Variants in GRIN2A observed in about 807,000 individuals in gnomAD.
GRIN2A encodes glutamate receptor ionotropic, NMDA 2A.
Under a neutral mutation model 113.4 loss-of-function variants are expected in GRIN2A, and 22 were observed. That is an observed-to-expected ratio of 0.19 (90% CI 0.14 to 0.28). GRIN2A has a LOEUF of 0.28. Among genes scored for constraint, GRIN2A ranks in the 10% least tolerant of loss-of-function variants. The pLI is 1.00. For synonymous variants in GRIN2A, 827 were observed against 738.4 expected, an observed-to-expected ratio of 1.12 and a Z score of -1.94; for missense variants, 1,502 against 1,887.0, an observed-to-expected ratio of 0.80 and a Z score of 3.78.
chr16:9,872,017 A>G (rs554384817), intron 4 of GRIN2A, among the ~76,000 whole-genome samples: 5 of 152,330 alleles, frequency 3.3e-5, no homozygotes, highest in East Asian at 3.9e-4. Flanking sequence ...CATTTATAAA[A>G]TAGGGGCAAT....
At chr16:9,872,658 A>G (rs1259923054) in intron 4 of GRIN2A, among the ~76,000 whole-genome samples, 1 of 152,176 alleles carries the variant, frequency 6.6e-6, no homozygotes, top group Non-Finnish European at 1.5e-5. Context: ...AAAGAATCCA[A>G]TCACGTCTTT....
intron 2 of GRIN2A, among the ~76,000 whole-genome samples, chr16:9,948,160 T>G (rs1386340660): frequency 6.6e-6 from 1 of 152,198 alleles, no homozygotes; most frequent in African/African-American, 2.4e-5. Flanking sequence ...ACCCTTTCAG[T>G]CCTGGACAAA....
intron 2 of GRIN2A, among the ~76,000 whole-genome samples, chr16:10,089,779 G>T (rs1020072247): frequency 1.3e-5 from 2 of 152,122 alleles, no homozygotes; most frequent in South Asian, 4.1e-4. Flanking sequence ...GTCTTGATAA[G>T]GTTCCATCAT....
intron 2 of GRIN2A, among the ~76,000 whole-genome samples, chr16:10,113,539 A>G (rs572760898): frequency 6.6e-6 from 1 of 152,322 alleles, no homozygotes; most frequent in East Asian, 1.9e-4. Flanking sequence ...AACTTTGCAC[A>G]TTTTGGGATC....
chr16:10,088,998 A>T (rs1261564365), intron 2 of GRIN2A, among the ~76,000 whole-genome samples: 1 of 152,230 alleles, frequency 6.6e-6, no homozygotes, highest in Non-Finnish European at 1.5e-5. Context: ...CAAGTTACAT[A>T]ATGTCTCTCC....
intron 5 of GRIN2A, among the ~76,000 whole-genome samples, chr16:9,848,426 G>C (rs2141365205): frequency 6.6e-6 from 1 of 150,840 alleles, no homozygotes; most frequent in East Asian, 1.9e-4. Flanking sequence ...ATGTTGCCTA[G>C]GCTGGTCTTC....
intron 3 of GRIN2A, among the ~76,000 whole-genome samples, chr16:9,891,796 G>A (rs2043699563): frequency 6.6e-6 from 1 of 152,200 alleles, no homozygotes; most frequent in South Asian, 2.1e-4. Flanking sequence ...ACTCTGTGGT[G>A]TGCATACCAG....
At chr16:10,012,261 T>C (rs2046520660) in intron 2 of GRIN2A, among the ~76,000 whole-genome samples, 1 of 152,240 alleles carries the variant, frequency 6.6e-6, no homozygotes, top group Non-Finnish European at 1.5e-5. Context: ...ACTGATTATG[T>C]GACATCCTGC....
At chr16:9,908,828 T>A (rs1355758380) in intron 3 of GRIN2A, among the ~76,000 whole-genome samples, 1 of 151,466 alleles carries the variant, frequency 6.6e-6, no homozygotes, top group African/African-American at 2.4e-5. Context: ...AAGGGAGCAG[T>A]GAGGGGATGC....
chr16:10,179,790 T>C lies in GRIN2A; in HGVS notation c.414+208A>G, dbSNP rs903130730. On this transcript the variant is annotated intron_variant, in intron 2 of 12. Transcript: ENST00000330684. ...ACCAAAGTGCTCCTGTGTACACCAT[T>C]TTCAGAAACAAGGCAAAAGGCATTT... 7 of 610,676 alleles carry C rather than the reference T, an allele frequency of 1.1e-5. No individual in the cohort carries two copies. In the African/African-American group the frequency reaches 1.3e-4, roughly 11 times the overall value. 37.8% of individuals were successfully genotyped at this position (610,676 alleles called of 1,614,324 possible).
chr16:9,964,805 C>A (rs938472189), intron 2 of GRIN2A, among the ~76,000 whole-genome samples: 5 of 152,190 alleles, frequency 3.3e-5, no homozygotes, highest in African/African-American at 9.6e-5. Context: ...TCTCAAGGTA[C>A]TAAACCCTGA....
chr16:9,788,950 G>T (rs1396344463), intron 11 of GRIN2A, among the ~76,000 whole-genome samples: 1 of 151,894 alleles, frequency 6.6e-6, no homozygotes, highest in Non-Finnish European at 1.5e-5. Context: ...CACCATATTG[G>T]CCAGGCTGGT....
intron 2 of GRIN2A, among the ~76,000 whole-genome samples, chr16:9,961,435 C>G (rs1490553284): frequency 6.6e-6 from 1 of 152,024 alleles, no homozygotes; most frequent in East Asian, 1.9e-4. Flanking sequence ...AAGCCAGCCA[C>G]AAAACAAAGG....
intron 2 of GRIN2A, chr16:10,112,729 G>A: frequency 1.4e-6 from 1 of 733,740 alleles, no homozygotes. Flanking sequence ...CAGGACAAAG[G>A]GTCCATTCAG....
chr16:10,102,939 G>T (rs997373019), intron 2 of GRIN2A, among the ~76,000 whole-genome samples: 1 of 152,206 alleles, frequency 6.6e-6, no homozygotes, highest in Non-Finnish European at 1.5e-5. Flanking sequence ...CAGACATGGA[G>T]TGGATGCCTC....
At chr16:9,859,142 TTC>T (rs1567351545) in intron 4 of GRIN2A, among the ~76,000 whole-genome samples, 1 of 152,040 alleles carries the variant, frequency 6.6e-6, no homozygotes, top group Non-Finnish European at 1.5e-5. Context: ...AACCTCACTA[TTC>T]TCTTTTTCTC....
intron 2 of GRIN2A, among the ~76,000 whole-genome samples, chr16:10,096,607 GC>G (rs1048785301): frequency 3.7e-4 from 55 of 147,686 alleles, no homozygotes; most frequent in African/African-American, 1.3e-3. Flanking sequence ...TAGACTTCCA[GC>G]CCCACATCAC....
rs1389741171 is a variant in GRIN2A at position 9,755,968 on chromosome 16, C to G, written c.*7181G>C. ...ATCATTCATGCAGAAACTCTATTTCCTATTCCCTGTCCCACCTCTGAAACT... is the reference window on the plus strand; with the variant it reads ...ATCATTCATGCAGAAACTCTATTTCGTATTCCCTGTCCCACCTCTGAAACT... On this transcript the variant is annotated 3_prime_UTR_variant, in exon 13 of 13. Coordinates refer to ENST00000330684, the MANE Select transcript of GRIN2A (RefSeq NM_001134407.3). The G allele has an allele frequency of 1.4e-5, 3 of 218,080 alleles. No individual in the cohort carries two copies. Among genetic ancestry groups the G allele is most frequent in the Non-Finnish European group, 2.8e-5 (3 of 108,380 alleles). 13.5% of individuals were successfully genotyped at this position (218,080 alleles called of 1,614,324 possible).
chr16:10,134,280 A>C lies in GRIN2A; in HGVS notation c.414+45718T>G, dbSNP rs114894553. Among the ~76,000 whole-genome samples the C allele has an allele frequency of 8.9e-3, 1,353 of 151,604 alleles. 23 individuals carry two copies. Among genetic ancestry groups the C allele is most frequent in the African/African-American group, 0.031 (1,295 of 41,284 alleles). On this transcript the variant is annotated intron_variant, in intron 2 of 12. Coordinates refer to ENST00000330684, the MANE Select transcript of GRIN2A (RefSeq NM_001134407.3). ...CAAAGCCTAGAAATAATCCTCTCCC[A>C]TCTCTGTCCTTTGAGCTTGAGGCTC...
Sources: gnomAD v4.1 joint callset for allele counts (sites outside exome capture counted in the v4.1 genomes callset) on GRCh38, gnomAD v4.1.1 for gene constraint, MANE v1.5 for transcripts, NCBI Gene and HGNC (gene_info 2026-07-23, HGNC 2026-07-21) for gene names.